Variants in RIMBP2 observed in about 807,000 individuals in gnomAD.
RIMBP2 encodes RIMS binding protein 2.
In RIMBP2, 48 loss-of-function variants were observed where a neutral mutation model predicts 118.6. The observed-to-expected ratio is 0.40, with a 90% CI of 0.32 to 0.51. The LOEUF (loss-of-function observed/expected upper bound fraction) is 0.51. RIMBP2 is among the 20% of genes least tolerant of loss of function. The probability of loss-of-function intolerance (pLI) is 0.41; values close to 1 mark genes in which losing one functional copy is unlikely to be tolerated. For missense variants in RIMBP2, 1,551 were observed against 1,768.3 expected (o/e 0.88, Z 2.20); for synonymous variants, 762 against 742.9 (o/e 1.03, Z -0.42).
Position 130,581,729 on chromosome 12 carries a change from C to T in RIMBP2, c.-217+46593G>A, listed in dbSNP as rs866016291. On this transcript the variant is annotated intron_variant, in intron 2 of 22. Coordinates refer to ENST00000690449, the MANE Select transcript of RIMBP2 (RefSeq NM_001393629.1). The surrounding 1 kb of genome is among the most constrained non-coding windows in gnomAD (Gnocchi z 4.4). ...CCTGGCCTGAGTCATCACCATTCCT[C>T]GCCGGGTTATGAGAATGGCCTCTCA... Among the ~76,000 whole-genome samples the T allele has an allele frequency of 4.5e-4, 69 of 152,336 alleles. No homozygotes were observed. Among genetic ancestry groups the T allele is most frequent in the Middle Eastern group, 3.4e-3 (1 of 294 alleles).
chr12:130,687,823 A>C (rs1021595610), intron 1 of RIMBP2, among the ~76,000 whole-genome samples: 8 of 152,248 alleles, frequency 5.3e-5, no homozygotes, highest in Non-Finnish European at 1.2e-4. Context: ...ATTGATTTGC[A>C]AATGTTCATT....
chr12:130,491,453 A>T (rs1423678418), intron 4 of RIMBP2, among the ~76,000 whole-genome samples: 1 of 152,216 alleles, frequency 6.6e-6, no homozygotes, highest in Non-Finnish European at 1.5e-5. Context: ...AAGGCAGTAC[A>T]CATGAGAACC....
At chr12:130,680,223 C>A (rs963509651) in intron 1 of RIMBP2, among the ~76,000 whole-genome samples, 15 of 152,252 alleles carry the variant, frequency 9.9e-5, no homozygotes, top group African/African-American at 3.6e-4. Flanking sequence ...AATGCACATA[C>A]CCTGCGACCC....
rs2061031572 is a variant in RIMBP2 at position 130,617,687 on chromosome 12, T to C, written c.-217+10635A>G. On this transcript the variant is annotated intron_variant, in intron 2 of 22. Coordinates refer to ENST00000690449, the MANE Select transcript of RIMBP2 (RefSeq NM_001393629.1). The surrounding 1 kb of genome is among the most constrained non-coding windows in gnomAD (Gnocchi z 4.6). ...GGGCTGAGTGTCTATGACCTGACGC[T>C]AAGCAGCCCAGCACCTTCAGTCCTC... Among the ~76,000 whole-genome samples, 1 of 152,188 alleles carries C rather than the reference T, an allele frequency of 6.6e-6. No homozygotes were observed. The highest frequency in any genetic ancestry group is 1.5e-5 in the Non-Finnish European group (1 of 68,028).
intron 17 of RIMBP2, chr12:130,421,009 A>G (rs1416700734): frequency 6.6e-6 from 1 of 152,190 alleles, no homozygotes; most frequent in Non-Finnish European, 1.5e-5. Flanking sequence ...TTACAGTCAA[A>G]TGAAGACTCG....
At chr12:130,692,948 T>C (rs1175117143) in intron 1 of RIMBP2, among the ~76,000 whole-genome samples, 1 of 148,530 alleles carries the variant, frequency 6.7e-6, no homozygotes, top group Non-Finnish European at 1.5e-5. Context: ...ACGGCTGGAA[T>C]GGGATGGAAA....
intron 5 of RIMBP2, 29 bp from the exon 6 acceptor site, chr12:130,470,772 G>C: frequency 4.9e-6 from 6 of 1,212,672 alleles, no homozygotes; most frequent in Non-Finnish European, 6.2e-6. Flanking sequence ...AGAGAAAAGA[G>C]TAAATGTCCA....
At chr12:130,545,602 A>G (rs940214135) in intron 2 of RIMBP2, among the ~76,000 whole-genome samples, 2 of 152,198 alleles carry the variant, frequency 1.3e-5, no homozygotes, top group African/African-American at 4.8e-5. Context: ...CAAGGCTGAC[A>G]TTGTATTTCT....
rs2695882 is a variant in RIMBP2, at chr12:130,703,098, A to C, written c.-352+13124T>G. Among the ~76,000 whole-genome samples, 1 of 151,918 alleles carries C rather than the reference A, an allele frequency of 6.6e-6. No homozygotes were observed. The highest frequency in any genetic ancestry group is 1.5e-5 in the Non-Finnish European group (1 of 67,996). ...TTTCCTGTAATGCCTCCAGGTCACCAGGTCACTGCAGCAGGCCAGGGGTGG... is the reference window on the plus strand; with the variant it reads ...TTTCCTGTAATGCCTCCAGGTCACCCGGTCACTGCAGCAGGCCAGGGGTGG... On this transcript the variant is annotated intron_variant, in intron 1 of 22. Transcript: ENST00000690449. The surrounding 1 kb of genome is among the most constrained non-coding windows in gnomAD (Gnocchi z 5.7).
At chr12:130,685,380 CAG>C (rs1165965478) in intron 1 of RIMBP2, among the ~76,000 whole-genome samples, 3 of 152,004 alleles carry the variant, frequency 2.0e-5, no homozygotes, top group Non-Finnish European at 2.9e-5. Flanking sequence ...AATTGAAAAA[CAG>C]ATGTTAAAAA....
At chr12:130,489,633 C>A (rs1486446374) in intron 4 of RIMBP2, among the ~76,000 whole-genome samples, 1 of 152,164 alleles carries the variant, frequency 6.6e-6, no homozygotes. Context: ...ATCATCACCC[C>A]CACTGTCCCT....
rs372234965 is a variant in RIMBP2, at chr12:130,545,804, A to C, written c.-216-27887T>G. Among the ~76,000 whole-genome samples the C allele has an allele frequency of 1.9e-4, 29 of 152,364 alleles. No homozygotes were observed. In the East Asian group the frequency reaches 3.5e-3, roughly 18 times the overall value. On this transcript the variant is annotated intron_variant, in intron 2 of 22. Coordinates refer to ENST00000690449, the MANE Select transcript of RIMBP2 (RefSeq NM_001393629.1). ...TCACTGCTGCCTCTACACCAGAAGC[A>C]CGTGAGAACGTGTGGGTCCCATTTT...
At chr12:130,595,450 C>T (rs955677893) in intron 2 of RIMBP2, among the ~76,000 whole-genome samples, 1 of 151,980 alleles carries the variant, frequency 6.6e-6, no homozygotes, top group Non-Finnish European at 1.5e-5. Context: ...CCCAGCTACT[C>T]AGGACAGGAG....
At chr12:130,584,173 C>T (rs1195749534) in intron 2 of RIMBP2, among the ~76,000 whole-genome samples, 2 of 149,932 alleles carry the variant, frequency 1.3e-5, no homozygotes, top group Non-Finnish European at 3.0e-5. Context: ...ACCACAATCA[C>T]ATCACCACCA....
rs559581375 is a variant in RIMBP2, at chr12:130,536,818, C to T, written c.-216-18901G>A. ...AGCAACTTTGCAGATACCACCTTCA[C>T]CAGGTGACCGTGGTTGACAGCACCA... is the stretch of plus-strand genomic sequence containing the variant. On this transcript the variant is annotated intron_variant, in intron 2 of 22. Coordinates refer to ENST00000690449, the MANE Select transcript of RIMBP2 (RefSeq NM_001393629.1). 1.2e-3 allele frequency among the ~76,000 whole-genome samples: 186 copies of T among 152,318 alleles called. 1 individual carries two copies. The highest frequency in any genetic ancestry group is 4.4e-3 in the African/African-American group (183 of 41,570).
intron 6 of RIMBP2, among the ~76,000 whole-genome samples, chr12:130,461,065 C>T (rs1018462478): frequency 5.3e-5 from 8 of 152,182 alleles, no homozygotes; most frequent in African/African-American, 1.9e-4. Flanking sequence ...GGGACCCATC[C>T]GCACGACCCA....
chr12:130,423,471 A>G (rs912507391), intron 16 of RIMBP2, among the ~76,000 whole-genome samples: 6 of 152,160 alleles, frequency 3.9e-5, no homozygotes, highest in African/African-American at 1.4e-4. Context: ...ACAGGAGCAA[A>G]TGTTCCGAAA....
chr12:130,495,823 T>C (rs190353443), intron 4 of RIMBP2, among the ~76,000 whole-genome samples: 52 of 152,368 alleles, frequency 3.4e-4, no homozygotes, highest in African/African-American at 1.2e-3. Context: ...AGGTACTTTA[T>C]GGCCACTTTA....
chr12:130,649,973 C>T (rs2063159731), intron 1 of RIMBP2, among the ~76,000 whole-genome samples: 1 of 151,758 alleles, frequency 6.6e-6, no homozygotes, highest in Non-Finnish European at 1.5e-5. Context: ...TCAACAGGAA[C>T]AAGCGGTACG....
Sources: gnomAD v4.1 joint callset for allele counts (sites outside exome capture counted in the v4.1 genomes callset) on GRCh38, gnomAD v4.1.1 for gene constraint, Gnocchi (gnomAD v3.1) non-coding constraint, MANE v1.5 for transcripts, NCBI Gene and HGNC (gene_info 2026-07-23, HGNC 2026-07-21) for gene names.